Variants in PM20D1 observed in about 807,000 individuals in gnomAD.
PM20D1 encodes the protein N-fatty-acyl-amino acid synthase/hydrolase PM20D1.
In PM20D1, 53 loss-of-function variants were observed where a neutral mutation model predicts 53.8. That is an observed-to-expected ratio of 0.98 (90% CI 0.79 to 1.24). The LOEUF (loss-of-function observed/expected upper bound fraction) is 1.24, where lower values mean the gene tolerates loss of function less well. Ranked by LOEUF, PM20D1 falls within the 50% of genes most tolerant of loss-of-function variation. The pLI is 0.00. For missense variants in PM20D1, 564 were observed against 616.8 expected (o/e 0.91, Z 0.91); for synonymous variants, 239 against 241.3 (o/e 0.99, Z 0.09).
At chr1:205,832,563 C>G in intron 11 of PM20D1, 35 bp downstream of exon 11, 2 of 1,610,520 alleles carry the variant, frequency 1.2e-6, no homozygotes, top group Non-Finnish European at 1.7e-6. Context: ...TTCCAGCCCC[C>G]TCCTCCCTCC....
chr1:205,849,981 C>T lies in PM20D1; in HGVS notation c.92G>A (p.Gly31Glu), dbSNP rs756140939. The change falls in exon 1 of 13, where the codon GGG (glycine) becomes GAG (glutamate). Residue 31 changes from glycine (G) to glutamate (E), a missense_variant. By Grantham distance (98) the Gly-to-Glu change is moderately conservative. Transcript: ENST00000367136. Reference protein sequence around the residue: ...TVSRSMGPRSGEHQRASRIPS... With the variant: ...TVSRSMGPRSEEHQRASRIPS... Reference sequence around the variant, plus strand: ...GATTCGCGACGCCCTTTGATGCTCCCCGCTCCTCGGGCCCATCGATCTGGA... The same window carrying T: ...GATTCGCGACGCCCTTTGATGCTCCTCGCTCCTCGGGCCCATCGATCTGGA... The T allele has an allele frequency of 2.5e-5, 41 of 1,614,060 alleles. No homozygotes were observed. The highest frequency in any genetic ancestry group is 3.4e-5 in the Non-Finnish European group (40 of 1,180,034).
intron 5 of PM20D1, 139 bp from the exon 6 acceptor site, chr1:205,843,925 A>G: frequency 1.4e-6 from 2 of 1,467,666 alleles, no homozygotes; most frequent in Non-Finnish European, 1.8e-6. Context: ...ATACTGGAGG[A>G]AGAATGGAAG....
chr1:205,850,085 C>T lies in PM20D1; in HGVS notation c.-13G>A. The T allele has an allele frequency of 6.2e-7, 1 of 1,608,786 alleles. No individual in the cohort carries two copies. Among genetic ancestry groups the T allele is most frequent in the Non-Finnish European group, 8.5e-7 (1 of 1,176,012 alleles). ...ACCGCTGAGCCATGCTTCTCTCGAG[C>T]TCCTGCTGTCAGGCTACCGGGGTAG... is the stretch of plus-strand genomic sequence containing the variant. On this transcript the variant is annotated 5_prime_UTR_variant, in exon 1 of 13. Transcript: ENST00000367136.
chr1:205,829,642 G>A (rs1656514884), intron 12 of PM20D1, among the ~76,000 whole-genome samples: 1 of 152,126 alleles, frequency 6.6e-6, no homozygotes, highest in African/African-American at 2.4e-5. Flanking sequence ...AAACATGAAA[G>A]CTGTTCTTAA....
At chr1:205,838,663 A>C (rs926683048) in intron 10 of PM20D1, among the ~76,000 whole-genome samples, 1 of 152,162 alleles carries the variant, frequency 6.6e-6, no homozygotes, top group Non-Finnish European at 1.5e-5. Context: ...TCTAGTTCAT[A>C]TCTCTCTCCA....
At chr1:205,844,044 G>T in intron 5 of PM20D1, 43 bp downstream of exon 5, 1 of 1,576,646 alleles carries the variant, frequency 6.3e-7, no homozygotes, top group Non-Finnish European at 8.6e-7. Flanking sequence ...CTCAAATGGG[G>T]TGAGAATTCC....
At chr1:205,842,780 T>C (rs1656844629) in intron 6 of PM20D1, 29 bp from the exon 7 acceptor site, 1 of 1,606,656 alleles carries the variant, frequency 6.2e-7, no homozygotes, top group South Asian at 1.1e-5. Flanking sequence ...CCTCAAGACT[T>C]AGCGAACCCC....
chr1:205,841,318 T>G (rs1656802279), intron 9 of PM20D1, among the ~76,000 whole-genome samples: 1 of 152,172 alleles, frequency 6.6e-6, no homozygotes. Flanking sequence ...GCTGGGCTGT[T>G]GCAAATTAGC....
chr1:205,841,382 C>T (rs573602447), intron 9 of PM20D1, among the ~76,000 whole-genome samples: 1 of 152,260 alleles, frequency 6.6e-6, no homozygotes, highest in South Asian at 2.1e-4. Flanking sequence ...GGGCAATACT[C>T]ATAGGACTCT....
chr1:205,849,772 G>A (rs960151284), intron 1 of PM20D1, 132 bp downstream of exon 1: 2 of 1,169,722 alleles, frequency 1.7e-6, no homozygotes, highest in Non-Finnish European at 2.4e-6. Flanking sequence ...TGTTGGGGCC[G>A]GGCTGGGGTG....
chr1:205,842,662 A>G lies in PM20D1; in HGVS notation c.903+14T>C, dbSNP rs1253876326. On this transcript the variant is annotated intron_variant, in intron 7 of 12. Coordinates refer to ENST00000367136, the MANE Select transcript of PM20D1 (RefSeq NM_152491.5). Reference sequence around the variant, plus strand: ...TCCTAGCTGATTAGGAGTATGTGATACTTCTTCCCATACCTCATTTGCCAG... The same window carrying G: ...TCCTAGCTGATTAGGAGTATGTGATGCTTCTTCCCATACCTCATTTGCCAG... 1.9e-6 allele frequency: 3 copies of G among 1,611,198 alleles called. No individual in the cohort carries two copies. In the South Asian group the frequency reaches 3.3e-5, roughly 18 times the overall value.
intron 3 of PM20D1, 77 bp from the exon 4 acceptor site, chr1:205,844,974 T>C (rs1477767053): frequency 2.3e-5 from 30 of 1,282,990 alleles, no homozygotes; most frequent in Non-Finnish European, 3.2e-5. Context: ...AGACATTCAG[T>C]TGCCTGTTAT....
intron 10 of PM20D1, among the ~76,000 whole-genome samples, chr1:205,834,683 A>G (rs1437589122): frequency 6.6e-6 from 1 of 152,262 alleles, no homozygotes; most frequent in Non-Finnish European, 1.5e-5. Flanking sequence ...CGGTCTTGAC[A>G]TATTCTCAGC....
Position 205,837,811 on chromosome 1 carries a change from G to C in PM20D1, c.1116+2441C>G, listed in dbSNP as rs541415278. Among the ~76,000 whole-genome samples, 30 of 152,232 alleles carry C rather than the reference G, an allele frequency of 2.0e-4. 1 individual carries two copies. The South Asian group carries it at 5.4e-3, about 27-fold the overall frequency. Reference sequence around the variant, plus strand: ...CCTGGGGAGATGAAAGCCCCAGCTGGGTGGAAAACAGCCCTTGGAAAGGGC... The same window carrying C: ...CCTGGGGAGATGAAAGCCCCAGCTGCGTGGAAAACAGCCCTTGGAAAGGGC... On this transcript the variant is annotated intron_variant, in intron 10 of 12. Transcript: ENST00000367136.
At chr1:205,839,411 T>C (rs1656753355) in intron 10 of PM20D1, among the ~76,000 whole-genome samples, 1 of 152,234 alleles carries the variant, frequency 6.6e-6, no homozygotes, top group Non-Finnish European at 1.5e-5. Flanking sequence ...AAGCACAAAC[T>C]CTGGAACTAG....
chr1:205,832,617 T>A lies in PM20D1; in HGVS notation c.1266A>T (p.Glu422Asp). The change falls in exon 11 of 13, where the codon GAA becomes GAT. Residue 422 changes from glutamate to aspartate, a missense_variant. Transcript: ENST00000367136. ...CATTACCTGGGGCAGTAATATTGAC[T>A]TCCGGGAAGACGGACTGTACGGTCT... ...LRQTVQSVFP[E>D]VNITAPVTSI... 6.2e-7 allele frequency: 1 copy of A among 1,614,172 alleles called. No homozygotes were observed. The highest frequency in any genetic ancestry group is 1.3e-5 in the African/African-American group (1 of 75,048).
At chr1:205,848,911 A>T (rs990176684) in intron 1 of PM20D1, among the ~76,000 whole-genome samples, 14 of 152,196 alleles carry the variant, frequency 9.2e-5, no homozygotes, top group African/African-American at 3.4e-4. Flanking sequence ...CCCTGCTCAG[A>T]GTTCCAAGCT....
chr1:205,843,859 A>C (rs1480554761), intron 5 of PM20D1, 73 bp from the exon 6 acceptor site: 33 of 1,567,986 alleles, frequency 2.1e-5, no homozygotes, highest in Non-Finnish European at 2.8e-5. Flanking sequence ...CCATAGGTCC[A>C]TCTGTGCAAT....
rs748686452 is a variant in PM20D1, at chr1:205,849,977, C to T, written c.96G>A (p.Glu32=). The T allele has an allele frequency of 6.2e-7, 1 of 1,614,180 alleles. No individual in the cohort carries two copies. Residue 32 remains glutamate (E), a synonymous_variant, in exon 1 of 13, where the codon GAG becomes GAA. Transcript: ENST00000367136. ...VSRSMGPRSG[E]HQRASRIPSQ... The stretch of plus-strand genomic sequence containing the variant: ...AAGGGATTCGCGACGCCCTTTGATG[C>T]TCCCCGCTCCTCGGGCCCATCGATC...
Sources: allele counts gnomAD v4.1 joint callset (sites outside exome capture counted in the v4.1 genomes callset), GRCh38; gene constraint gnomAD v4.1.1; transcripts MANE v1.5; gene names NCBI Gene and HGNC (gene_info 2026-07-23, HGNC 2026-07-21).